Variants in GRM1 observed in about 807,000 individuals in gnomAD.
GRM1 encodes the protein metabotropic glutamate receptor 1.
A neutral mutation model predicts 90.9 loss-of-function variants in GRM1; 33 were observed. The observed-to-expected ratio is 0.36, with a 90% CI of 0.28 to 0.49. The LOEUF (loss-of-function observed/expected upper bound fraction) is 0.49, where lower values mean the gene tolerates loss of function less well. Among genes scored for constraint, GRM1 ranks in the 20% least tolerant of loss-of-function variants. The pLI is 0.99. For missense variants in GRM1, 1,190 were observed against 1,534.3 expected (o/e 0.78, Z 3.75); for synonymous variants, 700 against 613.2 (o/e 1.14, Z -2.09).
At chr6:146,377,257 C>G (rs1776135421) in intron 5 of GRM1, among the ~76,000 whole-genome samples, 1 of 152,032 alleles carries the variant, frequency 6.6e-6, no homozygotes, top group African/African-American at 2.4e-5. Context: ...GAGATTGGAA[C>G]AGTTTGGAGG....
intron 1 of GRM1, among the ~76,000 whole-genome samples, chr6:146,036,104 G>A (rs1790881503): frequency 6.6e-6 from 1 of 151,924 alleles, no homozygotes; most frequent in African/African-American, 2.4e-5. Flanking sequence ...TTGCCCTTAT[G>A]ATATAGGGAG....
intron 2 of GRM1, among the ~76,000 whole-genome samples, chr6:146,301,728 A>G (rs150751731): frequency 2.4e-4 from 36 of 152,296 alleles, no homozygotes; most frequent in African/African-American, 5.5e-4. Flanking sequence ...TGTGTCATGA[A>G]CTATAGCTCA....
chr6:146,052,723 A>G (rs149754794), intron 1 of GRM1, among the ~76,000 whole-genome samples: 89 of 152,094 alleles, frequency 5.9e-4, no homozygotes, highest in African/African-American at 2.0e-3. Flanking sequence ...TCTTAATTCA[A>G]ATATCATTTC....
At position 146,142,140 on chromosome 6, in the gene GRM1, G is replaced by A. The variant is rs141335393; in HGVS notation, c.701-17208G>A. ...CATGCCCAGTAACACTGTAGCTCCC[G>A]TATAAGTACCACCTCATAGAGGTAC... is the stretch of plus-strand genomic sequence containing the variant. On this transcript the variant is annotated intron_variant, in intron 1 of 7. Transcript: ENST00000282753. 1.8e-4 allele frequency among the ~76,000 whole-genome samples: 28 copies of A among 152,322 alleles called. No homozygotes were observed. In the East Asian group the frequency reaches 4.8e-3, roughly 26 times the overall value.
chr6:146,366,680 A>G (rs1775702090), intron 5 of GRM1, among the ~76,000 whole-genome samples: 1 of 151,946 alleles, frequency 6.6e-6, no homozygotes, highest in African/African-American at 2.4e-5. Context: ...TCATATACCT[A>G]TTGGCCATTT....
At chr6:146,271,762 A>T (rs1158792123) in intron 2 of GRM1, among the ~76,000 whole-genome samples, 1 of 152,204 alleles carries the variant, frequency 6.6e-6, no homozygotes, top group Non-Finnish European at 1.5e-5. Context: ...AGTCCACTAA[A>T]TGGCCATGTT....
At chr6:146,114,778 A>G (rs1023992783) in intron 1 of GRM1, among the ~76,000 whole-genome samples, 9 of 152,176 alleles carry the variant, frequency 5.9e-5, no homozygotes, top group East Asian at 3.8e-4. Flanking sequence ...CAAATAGACT[A>G]TATAAACTAC....
At chr6:146,149,302 G>C (rs545275524) in intron 1 of GRM1, among the ~76,000 whole-genome samples, 1 of 152,248 alleles carries the variant, frequency 6.6e-6, no homozygotes, top group East Asian at 1.9e-4. Context: ...TGGACACAAG[G>C]TGACCATGAG....
At chr6:146,039,998 T>A (rs1791037751) in intron 1 of GRM1, among the ~76,000 whole-genome samples, 1 of 151,952 alleles carries the variant, frequency 6.6e-6, no homozygotes, top group Non-Finnish European at 1.5e-5. Context: ...TATTTGAAAT[T>A]TGTCAGAAAA....
In GRM1 at chr6:146,434,974, CACCAAGCA is replaced by C; in HGVS notation, c.*180_*187del. 1.6e-6 allele frequency: 1 copy of C among 634,048 alleles called. No homozygotes were observed. Among genetic ancestry groups the C allele is most frequent in the Non-Finnish European group, 2.8e-6 (1 of 360,214 alleles). The allele number at this position is 634,048 out of a possible 1,614,324, so 39.3% of individuals were successfully genotyped here. A position where few individuals can be genotyped will look rare whatever the true frequency, so the allele number is the denominator to read the frequency against. On this transcript the variant is annotated 3_prime_UTR_variant, in exon 8 of 8. Coordinates refer to ENST00000282753, the MANE Select transcript of GRM1 (RefSeq NM_001278064.2). The stretch of plus-strand genomic sequence containing the variant: ...CCTTAAGTAGGAAGAGAGGGAAGGA[CACCAAGCA>C]AAAAATGTTCCAGGCCAGGATTCGG...
intron 5 of GRM1, among the ~76,000 whole-genome samples, chr6:146,383,867 C>T (rs1776404987): frequency 1.3e-5 from 2 of 152,100 alleles, no homozygotes; most frequent in African/African-American, 4.8e-5. Context: ...AGAGTCCAGA[C>T]TTAGCCTTCT....
intron 5 of GRM1, among the ~76,000 whole-genome samples, chr6:146,378,427 A>G (rs1776192878): frequency 6.6e-6 from 1 of 152,232 alleles, no homozygotes; most frequent in Non-Finnish European, 1.5e-5. Flanking sequence ...AGACCATGGG[A>G]ACCCACCTCT....
intron 3 of GRM1, among the ~76,000 whole-genome samples, chr6:146,346,157 T>C (rs1255070619): frequency 6.6e-6 from 1 of 152,226 alleles, no homozygotes; most frequent in East Asian, 1.9e-4. Flanking sequence ...TAAATGCAAT[T>C]GTATTTTCAG....
chr6:146,032,183 G>A (rs117614304), intron 1 of GRM1, among the ~76,000 whole-genome samples: 3,384 of 152,176 alleles, frequency 0.022, 49 homozygotes, highest in Admixed American at 0.032. Flanking sequence ...TTTCCTTTCT[G>A]CCTTCTGATT....
chr6:146,358,401 C>T (rs867286386), intron 5 of GRM1, among the ~76,000 whole-genome samples: 3 of 152,110 alleles, frequency 2.0e-5, no homozygotes, highest in African/African-American at 7.2e-5. Context: ...CTGGGGGATG[C>T]GCTAGGAAAT....
chr6:146,321,970 A>T (rs772743239), intron 3 of GRM1, among the ~76,000 whole-genome samples: 2 of 151,830 alleles, frequency 1.3e-5, no homozygotes, highest in Non-Finnish European at 1.5e-5. Flanking sequence ...CTTGCTGGAG[A>T]GGAGCTGTGA....
At chr6:146,358,942 G>A (rs1775346716) in intron 5 of GRM1, among the ~76,000 whole-genome samples, 1 of 152,168 alleles carries the variant, frequency 6.6e-6, no homozygotes, top group Admixed American at 6.5e-5. Context: ...ATGACAACCA[G>A]TCCATCAGCA....
At chr6:146,209,703 C>A (rs1164196264) in intron 2 of GRM1, among the ~76,000 whole-genome samples, 3 of 152,094 alleles carry the variant, frequency 2.0e-5, no homozygotes, top group Non-Finnish European at 4.4e-5. Context: ...GATGTGATAT[C>A]AATTAATTAG....
In GRM1 at chr6:146,169,649, C is replaced by T. The variant is rs139468317; in HGVS notation, c.950+10052C>T. On this transcript the variant is annotated intron_variant, in intron 2 of 7. Transcript: ENST00000282753. Reference sequence around the variant, plus strand: ...CTCTGATCCCTGTTTTCTTATTTTTCGCTGAATTTCCCCCGCCCTGTTCTG... The same window carrying T: ...CTCTGATCCCTGTTTTCTTATTTTTTGCTGAATTTCCCCCGCCCTGTTCTG... Among the ~76,000 whole-genome samples the T allele has an allele frequency of 1.0e-2, 1,515 of 152,196 alleles. 18 individuals are homozygous for T. The highest frequency in any genetic ancestry group is 0.013 in the Non-Finnish European group (864 of 68,006).
Sources: allele counts gnomAD v4.1 joint callset (sites outside exome capture counted in the v4.1 genomes callset), GRCh38; gene constraint gnomAD v4.1.1; transcripts MANE v1.5; gene names NCBI Gene and HGNC (gene_info 2026-07-23, HGNC 2026-07-21).